Variants in STX8 observed in about 807,000 individuals in gnomAD.
The protein encoded by STX8 is syntaxin 8, also known as syntaxin-8.
Under a neutral mutation model 37.5 loss-of-function variants are expected in STX8, and 23 were observed. The observed-to-expected ratio is 0.61, with a 90% CI of 0.44 to 0.87. The LOEUF is 0.87. STX8 is among the 40% of genes least tolerant of loss of function. STX8 has a pLI of 0.00. For synonymous variants in STX8, 115 were observed against 99.1 expected, an observed-to-expected ratio of 1.16 and a Z score of -0.95; for missense variants, 313 against 284.7, an observed-to-expected ratio of 1.10 and a Z score of -0.71.
intron 7 of STX8, among the ~76,000 whole-genome samples, chr17:9,364,826 G>A (rs928432502): frequency 7.2e-5 from 11 of 152,078 alleles, no homozygotes; most frequent in Non-Finnish European, 1.5e-4. Context: ...GAGCTACCGC[G>A]CCTGGCCGGT....
chr17:9,492,049 A>T (rs1332672206), intron 5 of STX8, 128 bp from the exon 6 acceptor site: 1 of 584,128 alleles, frequency 1.7e-6, no homozygotes, highest in Non-Finnish European at 2.8e-6. Flanking sequence ...AAAAGAGTTA[A>T]CATTATTGGA....
intron 7 of STX8, among the ~76,000 whole-genome samples, chr17:9,319,391 C>G (rs969246580): frequency 6.6e-6 from 1 of 152,084 alleles, no homozygotes; most frequent in Non-Finnish European, 1.5e-5. Context: ...TGCACTCCAG[C>G]CTGGGCGACA....
chr17:9,366,764 T>G (rs982346562), intron 7 of STX8, among the ~76,000 whole-genome samples: 2 of 152,170 alleles, frequency 1.3e-5, no homozygotes, highest in African/African-American at 2.4e-5. Flanking sequence ...CCCATTTGAT[T>G]GAGCCCTCCA....
intron 7 of STX8, among the ~76,000 whole-genome samples, chr17:9,256,010 A>G (rs1906783396): frequency 6.6e-6 from 1 of 152,204 alleles, no homozygotes; most frequent in African/African-American, 2.4e-5. Context: ...ATCTTTTTGA[A>G]GCCAGGGAAA....
In STX8 at chr17:9,299,439, C is replaced by CTT. The variant is rs34149994; in HGVS notation, c.644-48796_644-48795dup. On this transcript the variant is annotated intron_variant, in intron 7 of 7. Coordinates refer to ENST00000306357, the MANE Select transcript of STX8 (RefSeq NM_004853.3). ...GCCTGCGTCCGTCTTCATTCTTACG[C>CTT]TTTTTTTTTTTTTTTTTTTTTGAGA... Among the ~76,000 whole-genome samples, 513 of 93,008 alleles carry CTT rather than the reference C, an allele frequency of 5.5e-3. 7 individuals are homozygous for CTT. Among genetic ancestry groups the CTT allele is most frequent in the African/African-American group, 0.02 (475 of 23,722 alleles). The allele number at this position is 93,008 out of a possible 152,430, so 61.0% of individuals were successfully genotyped here.
chr17:9,364,626 G>A (rs1338651848), intron 7 of STX8, among the ~76,000 whole-genome samples: 1 of 152,074 alleles, frequency 6.6e-6, no homozygotes, highest in Admixed American at 6.6e-5. Context: ...TGCCTCCTGG[G>A]TTCAAGCGAT....
intron 6 of STX8, among the ~76,000 whole-genome samples, chr17:9,435,517 A>C (rs1427945887): frequency 6.6e-6 from 1 of 152,230 alleles, no homozygotes; most frequent in African/African-American, 2.4e-5. Flanking sequence ...GGATTGTGAA[A>C]ACATGCCCTG....
At chr17:9,346,059 C>T (rs1037076256) in intron 7 of STX8, among the ~76,000 whole-genome samples, 4 of 151,774 alleles carry the variant, frequency 2.6e-5, no homozygotes, top group Non-Finnish European at 2.9e-5. Context: ...ACCATGTTGG[C>T]CAGGCTGGTC....
chr17:9,474,161 T>C (rs1368738201), intron 6 of STX8, among the ~76,000 whole-genome samples: 5 of 151,764 alleles, frequency 3.3e-5, no homozygotes, highest in Non-Finnish European at 7.4e-5. Flanking sequence ...GGGTGATACA[T>C]GGAGAGGGTG....
intron 6 of STX8, among the ~76,000 whole-genome samples, chr17:9,407,015 T>G (rs1453701696): frequency 6.6e-6 from 1 of 152,164 alleles, no homozygotes; most frequent in Admixed American, 6.5e-5. Flanking sequence ...AGAGGTATTA[T>G]TCTGATAAAA....
intron 2 of STX8, among the ~76,000 whole-genome samples, chr17:9,557,854 C>T (rs986924979): frequency 2.0e-5 from 3 of 152,174 alleles, no homozygotes; most frequent in Non-Finnish European, 2.9e-5. Context: ...CCCATTGATC[C>T]TATGTATCTA....
At chr17:9,401,942 C>T (rs563858922) in intron 6 of STX8, among the ~76,000 whole-genome samples, 16 of 152,100 alleles carry the variant, frequency 1.1e-4, no homozygotes, top group South Asian at 4.2e-4. Flanking sequence ...TTTTTAGGTG[C>T]GTTTCACCCT....
chr17:9,448,548 G>A (rs201179959), intron 6 of STX8, among the ~76,000 whole-genome samples: 6 of 151,942 alleles, frequency 3.9e-5, no homozygotes, highest in Non-Finnish European at 7.4e-5. Flanking sequence ...TGTGCGTTAC[G>A]GAGAAAATAC....
rs201042557 is a variant in STX8 at position 9,545,188 on chromosome 17, C to G, written c.307G>C (p.Glu103Gln). ...LLASFKNEGA[E>Q]PDLIRSSLMS... ...ACATCCTACCTGATTAGATCTGGTT[C>G]GGCACCCTCATTCTTAAAGGATGCC... is the stretch of plus-strand genomic sequence containing the variant. Residue 103 changes from glutamate to glutamine, a missense_variant, in exon 4 of 8, where the codon GAA becomes CAA. By Grantham distance (29) the Glu-to-Gln change is conservative. Coordinates refer to ENST00000306357, the MANE Select transcript of STX8 (RefSeq NM_004853.3). 2 of 1,613,146 alleles carry G rather than the reference C, an allele frequency of 1.2e-6. No individual in the cohort carries two copies. The highest frequency in any genetic ancestry group is 3.3e-5 in the Admixed American group (2 of 59,952).
chr17:9,291,193 C>T (rs1199919318), intron 7 of STX8, among the ~76,000 whole-genome samples: 1 of 152,110 alleles, frequency 6.6e-6, no homozygotes, highest in Non-Finnish European at 1.5e-5. Flanking sequence ...CTCACACCTC[C>T]CAGCACTTTG....
At chr17:9,452,059 T>C (rs547502980) in intron 6 of STX8, 1 of 152,334 alleles carries the variant, frequency 6.6e-6, no homozygotes, top group Non-Finnish European at 1.5e-5. Context: ...AACTATGACA[T>C]ACATTCCAAT....
At position 9,471,031 on chromosome 17, in the gene STX8, C is replaced by CTTTTTTT. The variant is rs757411419; in HGVS notation, c.541+20791_541+20797dup. ...TACAGGCGTGAGCCACTGCATCCTG[C>CTTTTTTT]TTTTTTTTTTTTTTTTTTTTTTTGA... On this transcript the variant is annotated intron_variant, in intron 6 of 7. Transcript: ENST00000306357. 4.2e-3 allele frequency among the ~76,000 whole-genome samples: 140 copies of CTTTTTTT among 33,050 alleles called. 38 individuals carry two copies. Among genetic ancestry groups the CTTTTTTT allele is most frequent in the African/African-American group, 0.014 (123 of 9,056 alleles). The allele number at this position is 33,050 out of a possible 152,430, so 21.7% of individuals were successfully genotyped here. A position where few individuals can be genotyped will look rare whatever the true frequency, so the allele number is the denominator to read the frequency against.
In STX8 at chr17:9,268,774, A is replaced by G. The variant is rs187401247; in HGVS notation, c.644-18129T>C. ...TGCAGGCAATGTGGGCAGATTCAAC[A>G]ATGTCACTACTGAGCCTACTGAAAA... On this transcript the variant is annotated intron_variant, in intron 7 of 7. Coordinates refer to ENST00000306357, the MANE Select transcript of STX8 (RefSeq NM_004853.3). 3.3e-3 allele frequency among the ~76,000 whole-genome samples: 510 copies of G among 152,280 alleles called. 4 individuals carry two copies. Among genetic ancestry groups the G allele is most frequent in the African/African-American group, 0.012 (483 of 41,544 alleles).
chr17:9,415,948 C>T (rs987187252), intron 6 of STX8, among the ~76,000 whole-genome samples: 9 of 152,188 alleles, frequency 5.9e-5, no homozygotes, highest in Admixed American at 2.6e-4. Context: ...AGTTTTCTCA[C>T]GTCTTTGCCC....
Sources: gnomAD v4.1 joint callset for allele counts (sites outside exome capture counted in the v4.1 genomes callset) on GRCh38, gnomAD v4.1.1 for gene constraint, MANE v1.5 for transcripts, NCBI Gene and HGNC (gene_info 2026-07-23, HGNC 2026-07-21) for gene names.